Variants in HIP1R observed in about 807,000 individuals in gnomAD.
The protein encoded by HIP1R is huntingtin-interacting protein 1-related protein.
A neutral mutation model predicts 144.2 loss-of-function variants in HIP1R; 135 were observed. The observed-to-expected ratio is 0.94, with a 90% CI of 0.81 to 1.08. The LOEUF (loss-of-function observed/expected upper bound fraction) is 1.08, where lower values mean the gene tolerates loss of function less well. HIP1R is among the 50% of genes least tolerant of loss of function. The pLI, the probability that HIP1R is intolerant of heterozygous loss-of-function variation, is 0.00. For missense variants in HIP1R, 1,462 were observed against 1,432.8 expected, an observed-to-expected ratio of 1.02 and a Z score of -0.33; for synonymous variants, 698 against 612.8, an observed-to-expected ratio of 1.14 and a Z score of -2.05.
intron 1 of HIP1R, among the ~76,000 whole-genome samples, chr12:122,841,689 T>A (rs2033064400): frequency 6.6e-6 from 1 of 151,910 alleles, no homozygotes; most frequent in Non-Finnish European, 1.5e-5. Flanking sequence ...GACAGACGGG[T>A]TTGTGGAGTG....
rs138504921 is a variant in HIP1R at position 122,854,100 on chromosome 12, G to A, written c.635G>A (p.Arg212His). ...AVSQMSSGQC[R>H]LAPLIQVIQD... ...TCCCAGATGTCCTCAGGCCAGTGCC[G>A]CCTGGCCCCCCTCATCCAGGTCATC... The change falls in exon 8 of 32, where the codon CGC (arginine) becomes CAC (histidine). Residue 212 changes from arginine to histidine, a missense_variant. Arg to His is a conservative substitution (Grantham distance 29, BLOSUM62 0). This residue lies in a region of HIP1R where 350 missense variants were observed against 421.1 expected (regional missense o/e 0.83). Transcript: ENST00000253083. 67 of 1,613,598 alleles carry A rather than the reference G, an allele frequency of 4.2e-5. No individual in the cohort carries two copies. The highest frequency in any genetic ancestry group is 2.0e-4 in the African/African-American group (15 of 74,896).
chr12:122,855,658 G>T lies in HIP1R; in HGVS notation c.1055+46G>T, dbSNP rs1257899206. The T allele has an allele frequency of 5.8e-6, 9 of 1,541,172 alleles. No homozygotes were observed. In the East Asian group the frequency reaches 2.0e-4, roughly 34 times the overall value. On this transcript the variant is annotated intron_variant, in intron 12 of 31. Transcript: ENST00000253083. The stretch of plus-strand genomic sequence containing the variant: ...CTGGGCTGGGGGTGGTTGGAAACGG[G>T]CTCAGCTGAGCTGTGCTCTGGACAG...
chr12:122,847,813 C>T (rs1457953774), intron 1 of HIP1R, among the ~76,000 whole-genome samples: 1 of 152,186 alleles, frequency 6.6e-6, no homozygotes, highest in Non-Finnish European at 1.5e-5. Flanking sequence ...TCCCCTGACT[C>T]CTGGAGCTCT....
Position 122,861,337 on chromosome 12 carries a change from G to A in HIP1R, c.2982G>A (p.Leu994=). 3 of 1,613,800 alleles carry A rather than the reference G, an allele frequency of 1.9e-6. No individual in the cohort carries two copies. Among genetic ancestry groups the A allele is most frequent in the Non-Finnish European group, 2.5e-6 (3 of 1,179,982 alleles). ...QVRVLELEKT[L]EAERMRLGEL... ...GTGTCCTGGAGCTGGAGAAGACGCT[G>A]GAGGCTGAACGCATGCGGCTGGGGG... The change falls in exon 31 of 32, where the codon CTG becomes CTA. Residue 994 remains leucine, a synonymous_variant. Transcript: ENST00000253083.
intron 24 of HIP1R, 50 bp downstream of exon 24, chr12:122,859,880 G>A: frequency 1.3e-6 from 2 of 1,571,204 alleles, no homozygotes; most frequent in African/African-American, 1.3e-5. Context: ...GGCTCCCCGT[G>A]GCCCCTAAGG....
chr12:122,840,393 G>A lies in HIP1R; in HGVS notation c.93+4750G>A, dbSNP rs539595876. 6.6e-6 allele frequency among the ~76,000 whole-genome samples: 1 copy of A among 152,208 alleles called. No individual in the cohort carries two copies. The highest frequency in any genetic ancestry group is 1.5e-5 in the Non-Finnish European group (1 of 68,046). On this transcript the variant is annotated intron_variant, in intron 1 of 31. Transcript: ENST00000253083. The surrounding 1 kb of genome is among the most constrained non-coding windows in gnomAD (Gnocchi z 4.2). ...GTGGAGAGATGCCAACTGTGGCCACGTGTGGAATGGTAGGGCAGTCAAGAG... is the reference window on the plus strand; with the variant it reads ...GTGGAGAGATGCCAACTGTGGCCACATGTGGAATGGTAGGGCAGTCAAGAG...
In HIP1R at chr12:122,858,452, C is replaced by T; in HGVS notation, c.2050+17C>T. ...CCTTGGCAGGTGAGTGTAGCCAGGG[C>T]AGGGCGGAGGCGGGGGCTGTGTCCC... On this transcript the variant is annotated intron_variant, in intron 20 of 31. Transcript: ENST00000253083. The T allele has an allele frequency of 1.3e-6, 2 of 1,582,070 alleles. No individual in the cohort carries two copies. The highest frequency in any genetic ancestry group is 1.7e-6 in the Non-Finnish European group (2 of 1,161,132).
At chr12:122,854,680 C>T (rs555518249) in intron 8 of HIP1R, among the ~76,000 whole-genome samples, 2 of 152,326 alleles carry the variant, frequency 1.3e-5, no homozygotes, top group South Asian at 2.1e-4. Flanking sequence ...GATGTGGCCG[C>T]AGCGCCTTCC....
intron 5 of HIP1R, 47 bp from the exon 6 acceptor site, chr12:122,850,788 G>A (rs775347776): frequency 1.4e-6 from 2 of 1,477,868 alleles, no homozygotes; most frequent in East Asian, 2.5e-5. Context: ...CGCCAGGTGT[G>A]GGGGGGCCCT....
chr12:122,835,474 C>G lies in HIP1R; in HGVS notation c.-77C>G, dbSNP rs2032853986. Reference sequence around the variant, plus strand: ...GGCGCGGCGCGGTGGCCTCGCGGTGCCTAGGCTGGGGCTGCCGGACCGTGA... The same window carrying G: ...GGCGCGGCGCGGTGGCCTCGCGGTGGCTAGGCTGGGGCTGCCGGACCGTGA... On this transcript the variant is annotated 5_prime_UTR_variant, in exon 1 of 32. Coordinates refer to ENST00000253083, the MANE Select transcript of HIP1R (RefSeq NM_003959.3). The G allele has an allele frequency of 1.7e-6, 2 of 1,190,232 alleles. No homozygotes were observed. The highest frequency in any genetic ancestry group is 3.2e-5 in the African/African-American group (2 of 61,706). 73.7% of individuals were successfully genotyped at this position (1,190,232 alleles called of 1,614,324 possible). A position where few individuals can be genotyped will look rare whatever the true frequency, so the allele number is the denominator to read the frequency against.
chr12:122,835,936 T>G lies in HIP1R; in HGVS notation c.93+293T>G, dbSNP rs1344262178. On this transcript the variant is annotated intron_variant, in intron 1 of 31. Transcript: ENST00000253083. ...GGGGCTGAGGGGGCCGGGGTCAGGG[T>G]GTGCGCGGGCCGGGAGCGCCGGAGC... 2.7e-5 allele frequency among the ~76,000 whole-genome samples: 4 copies of G among 147,802 alleles called. No homozygotes were observed. In the East Asian group the frequency reaches 8.1e-4, roughly 30 times the overall value.
chr12:122,834,845 C>T (rs2032824735), upstream of HIP1R: 1 of 761,256 alleles, frequency 1.3e-6, no homozygotes, highest in Non-Finnish European at 1.9e-6. Context: ...GCAGCTATGT[C>T]AGAATTGCAC....
rs1282712751 is a variant in HIP1R, at chr12:122,861,395, G to A, written c.3040G>A (p.Ala1014Thr). Reference sequence around the variant, plus strand: ...GAAGCAACACTACGTGCTGGCTGGGGCATCAGGCAGCCCTGGAGAGGAGGT... The same window carrying A: ...GAAGCAACACTACGTGCTGGCTGGGACATCAGGCAGCCCTGGAGAGGAGGT... The part of the protein sequence containing the change: ...LRKQHYVLAG[A>T]SGSPGEEVAI... Residue 1014 changes from alanine to threonine, a missense_variant, in exon 31 of 32, where the codon GCA becomes ACA. By Grantham distance (58) the Ala-to-Thr change is moderately conservative (BLOSUM62 0). Transcript: ENST00000253083. 1.2e-6 allele frequency: 2 copies of A among 1,613,490 alleles called. No individual in the cohort carries two copies. The highest frequency in any genetic ancestry group is 1.7e-5 in the Admixed American group (1 of 60,010).
rs1481553490 is a variant in HIP1R at position 122,835,661 on chromosome 12, G to GA, written c.93+18_93+19insA. On this transcript the variant is annotated intron_variant, in intron 1 of 31. Transcript: ENST00000253083. ...AGACCCAGGCGAGCGGGCGGCGGGC[G>GA]GCGGGCGGCGGGCGGCGGCGGGCGG... 4 of 966,902 alleles carry GA rather than the reference G, an allele frequency of 4.1e-6. No homozygotes were observed. Among genetic ancestry groups the GA allele is most frequent in the Non-Finnish European group, 2.4e-6 (2 of 825,698 alleles). 59.9% of individuals were successfully genotyped at this position (966,902 alleles called of 1,614,324 possible).
rs766803353 is a variant in HIP1R at position 122,860,042 on chromosome 12, C to T, written c.2466-5C>T. ...GGCAGCTAAGTCTCTCCTTCTCTCC[C>T]CCAGGATCCTCAACTCCTGCACAGA... On this transcript the variant is annotated splice_polypyrimidine_tract_variant and splice_region_variant and intron_variant, in intron 24 of 31. Coordinates refer to ENST00000253083, the MANE Select transcript of HIP1R (RefSeq NM_003959.3). 6.4e-7 allele frequency: 1 copy of T among 1,555,468 alleles called. No homozygotes were observed. Among genetic ancestry groups the T allele is most frequent in the Non-Finnish European group, 8.7e-7 (1 of 1,151,702 alleles).
chr12:122,848,749 C>T, intron 3 of HIP1R, 47 bp from the exon 4 acceptor site: 1 of 1,606,440 alleles, frequency 6.2e-7, no homozygotes, highest in South Asian at 1.1e-5. Context: ...AGGGCCCTGC[C>T]ACACGGTCCT....
Position 122,860,710 on chromosome 12 carries a change from G to C in HIP1R, c.2692G>C (p.Gly898Arg). The change falls in exon 28 of 32, where the codon GGC (glycine) becomes CGC (arginine). Residue 898 changes from glycine (G) to arginine (R), a missense_variant. Transcript: ENST00000253083. ...AGCTGACAAGGTGGTGCTTCACACG[G>C]GCAAGTATGAGGAGCTCATCGTCTG... ...EAADKVVLHT[G>R]KYEELIVCSH... 5 of 1,613,338 alleles carry C rather than the reference G, an allele frequency of 3.1e-6. No homozygotes were observed. The highest frequency in any genetic ancestry group is 4.2e-6 in the Non-Finnish European group (5 of 1,179,974).
upstream of HIP1R, chr12:122,834,785 C>G: frequency 2.4e-6 from 1 of 417,020 alleles, no homozygotes; most frequent in Non-Finnish European, 4.4e-6. Context: ...GGTTGCGGAG[C>G]CGGCGGCGTC....
At position 122,856,448 on chromosome 12, in the gene HIP1R, A is replaced by G; in HGVS notation, c.1418A>G (p.Lys473Arg). ...CCCATGCAGAACGCGGACACAGCCA[A>G]GCAGCTGACGGTGACGCAGCAAAGC... ...ELLRKNADTAKQLTVTQQSQE... is the reference protein window; with the variant it reads ...ELLRKNADTARQLTVTQQSQE... Residue 473 changes from lysine (K) to arginine (R), a missense_variant, in exon 16 of 32, where the codon AAG (lysine) becomes AGG (arginine). By Grantham distance (26) the Lys-to-Arg change is conservative. This residue lies in a region of HIP1R where 1,112 missense variants were observed against 1,011.7 expected (regional missense o/e 1.10). Coordinates refer to ENST00000253083, the MANE Select transcript of HIP1R (RefSeq NM_003959.3). 1 of 1,592,154 alleles carries G rather than the reference A, an allele frequency of 6.3e-7. No homozygotes were observed. Among genetic ancestry groups the G allele is most frequent in the Non-Finnish European group, 8.6e-7 (1 of 1,169,100 alleles).
Sources: allele counts gnomAD v4.1 joint callset (sites outside exome capture counted in the v4.1 genomes callset), GRCh38; gene constraint gnomAD v4.1.1; regional missense constraint gnomAD v4.1.1; non-coding constraint Gnocchi (gnomAD v3.1); transcripts MANE v1.5; gene names NCBI Gene and HGNC (gene_info 2026-07-23, HGNC 2026-07-21).